The following BRCA2 variants were observed in gnomAD, a reference collection of about 807,000 sequenced individuals.
BRCA2 encodes the protein breast cancer type 2 susceptibility protein.
Under a neutral mutation model 276.7 loss-of-function variants are expected in BRCA2, and 203 were observed. That is an observed-to-expected ratio of 0.73 (90% CI 0.65 to 0.82). BRCA2 has a LOEUF of 0.82. Among genes scored for constraint, BRCA2 ranks in the 40% least tolerant of loss-of-function variants. BRCA2 has a pLI of 0.00. For synonymous variants in BRCA2, 1,289 were observed against 1,338.4 expected, an observed-to-expected ratio of 0.96 and a Z score of 0.81; for missense variants, 3,920 against 3,915.0, an observed-to-expected ratio of 1.00 and a Z score of -0.03.
chr13:32,323,608 A>G (rs1198151233), intron 3 of BRCA2, among the ~76,000 whole-genome samples: 1 of 152,240 alleles, frequency 6.6e-6, no homozygotes, highest in Non-Finnish European at 1.5e-5. Flanking sequence ...TGTCTAGTCC[A>G]TGTTAACTTG....
At position 32,362,431 on chromosome 13, in the gene BRCA2, A is replaced by T. The variant is rs1161285500; in HGVS notation, c.7806-92A>T. On this transcript the variant is annotated intron_variant, in intron 16 of 26. Transcript: ENST00000380152. The stretch of plus-strand genomic sequence containing the variant: ...CATAAAAACTTAATGATCTTGAACA[A>T]TGTAGTTTTTGTACAGAGAATAGTT... 3.2e-6 allele frequency: 4 copies of T among 1,235,504 alleles called. No individual in the cohort carries two copies. In the Admixed American group the frequency reaches 7.4e-5, roughly 23 times the overall value. 76.5% of individuals were successfully genotyped at this position (1,235,504 alleles called of 1,614,324 possible). A position where few individuals can be genotyped will look rare whatever the true frequency, so the allele number is the denominator to read the frequency against.
At position 32,338,929 on chromosome 13, in the gene BRCA2, A is replaced by T. The variant is rs397507336; in HGVS notation, c.4574A>T (p.His1525Leu). The T allele has an allele frequency of 1.2e-6, 2 of 1,613,952 alleles. No individual in the cohort carries two copies. The highest frequency in any genetic ancestry group is 2.7e-5 in the African/African-American group (2 of 75,038). Residue 1525 changes from histidine (H) to leucine (L), a missense_variant, in exon 11 of 27, where the codon CAT becomes CTT. By Grantham distance (99) the His-to-Leu change is moderately conservative. This residue lies in a region of BRCA2 where 3,263 missense variants were observed against 3,156.9 expected (regional missense o/e 1.03). Transcript: ENST00000380152. ...AAAGAACCTACTCTATTGGGTTTTCATACAGCTAGCGGGAAAAAAGTTAAA... is the reference window on the plus strand; with the variant it reads ...AAAGAACCTACTCTATTGGGTTTTCTTACAGCTAGCGGGAAAAAAGTTAAA... The part of the protein sequence containing the change: ...KIKEPTLLGF[H>L]TASGKKVKIA...
chr13:32,374,391 A>G (rs1000274150), intron 20 of BRCA2, among the ~76,000 whole-genome samples: 3 of 152,334 alleles, frequency 2.0e-5, no homozygotes, highest in Admixed American at 1.3e-4. Context: ...CCAAACTTGC[A>G]TGCTCTGCTT....
In BRCA2 at chr13:32,351,346, T is replaced by C. The variant is rs547564734; in HGVS notation, c.7008-3515T>C. Among the ~76,000 whole-genome samples, 187 of 152,068 alleles carry C rather than the reference T, an allele frequency of 1.2e-3. 3 individuals are homozygous for C. The highest frequency in any genetic ancestry group is 4.4e-3 in the African/African-American group (184 of 41,450). On this transcript the variant is annotated intron_variant, in intron 13 of 26. Coordinates refer to ENST00000380152, the MANE Select transcript of BRCA2 (RefSeq NM_000059.4). ...AACACTCACTGGGAAGGTCTGCGGC[T>C]TCACTCCTGAAGTCAGCAAGACCAC...
Position 32,316,490 on chromosome 13 carries a change from A to AT in BRCA2, c.36dup (p.Glu13Ter), listed in dbSNP as rs80359393. On this transcript the variant is annotated frameshift_variant, in exon 2 of 27. Coordinates refer to ENST00000380152, the MANE Select transcript of BRCA2 (RefSeq NM_000059.4). LOFTEE classifies it high-confidence loss of function. ...CTATTGGATCCAAAGAGAGGCCAAC[A>AT]TTTTTTGAAATTTTTAAGACACGCT... 6 of 1,614,026 alleles carry AT rather than the reference A, an allele frequency of 3.7e-6. No individual in the cohort carries two copies. Among genetic ancestry groups the AT allele is most frequent in the East Asian group, 2.2e-5 (1 of 44,892 alleles).
At chr13:32,355,563 A>G (rs2072687263) in intron 14 of BRCA2, among the ~76,000 whole-genome samples, 1 of 152,106 alleles carries the variant, frequency 6.6e-6, no homozygotes, top group African/African-American at 2.4e-5. Context: ...TTTCTTTTTA[A>G]AATGTGATAA....
At position 32,394,842 on chromosome 13, in the gene BRCA2, C is replaced by T. The variant is rs1235953183; in HGVS notation, c.9410C>T (p.Thr3137Ile). ...WRPESKSGLLTLFAGDFSVFS... is the reference protein window; with the variant it reads ...WRPESKSGLLILFAGDFSVFS... ...CCAGAATCCAAATCAGGCCTTCTTA[C>T]TTTATTTGCTGGAGATTTTTCTGTG... The change falls in exon 25 of 27, where the codon ACT (threonine) becomes ATT (isoleucine). Residue 3137 changes from threonine to isoleucine, a missense_variant. Transcript: ENST00000380152. 1 of 1,614,066 alleles carries T rather than the reference C, an allele frequency of 6.2e-7. No homozygotes were observed. Among genetic ancestry groups the T allele is most frequent in the Non-Finnish European group, 8.5e-7 (1 of 1,179,976 alleles).
chr13:32,374,311 G>A lies in BRCA2; in HGVS notation c.8633-2359G>A, dbSNP rs146109458. 1.2e-3 allele frequency among the ~76,000 whole-genome samples: 185 copies of A among 152,326 alleles called. 2 individuals carry two copies. Among genetic ancestry groups the A allele is most frequent in the African/African-American group, 4.2e-3 (173 of 41,582 alleles). On this transcript the variant is annotated intron_variant, in intron 20 of 26. Transcript: ENST00000380152. ...TTCCTTGTTACTTATGCAAACTTCT[G>A]CAGCTGGCTTGAATTCTTTCCCGGG...
At position 32,379,871 on chromosome 13, in the gene BRCA2, A is replaced by G. The variant is rs2137623356; in HGVS notation, c.9075A>G (p.Ile3025Met). The G allele has an allele frequency of 6.2e-7, 1 of 1,613,626 alleles. No homozygotes were observed. The highest frequency in any genetic ancestry group is 8.5e-7 in the Non-Finnish European group (1 of 1,179,612). Residue 3025 changes from isoleucine (I) to methionine (M), a missense_variant, in exon 23 of 27, where the codon ATA becomes ATG. By Grantham distance (10) the Ile-to-Met change is conservative. Transcript: ENST00000380152. Reference sequence around the variant, plus strand: ...AAAGTAAATCTGAAAGAGCTAACATACAGTTAGCAGCGACAAAAAAAACTC... The same window carrying G: ...AAAGTAAATCTGAAAGAGCTAACATGCAGTTAGCAGCGACAAAAAAAACTC... ...KSKSKSERAN[I>M]QLAATKKTQY...
intron 24 of BRCA2, among the ~76,000 whole-genome samples, chr13:32,387,990 T>G (rs1045349147): frequency 6.6e-5 from 10 of 152,208 alleles, no homozygotes; most frequent in Admixed American, 2.6e-4. Context: ...TTGATGGTAG[T>G]GGTCCCCTGG....
At chr13:32,346,599 A>G (rs534642311) in intron 12 of BRCA2, among the ~76,000 whole-genome samples, 1 of 152,242 alleles carries the variant, frequency 6.6e-6, no homozygotes, top group African/African-American at 2.4e-5. Flanking sequence ...TCAACTGACT[A>G]AATTTATGCT....
chr13:32,385,572 C>A, intron 24 of BRCA2: 1 of 266,908 alleles, frequency 3.7e-6, no homozygotes, highest in South Asian at 5.9e-5. Flanking sequence ...CACAAAAGAT[C>A]CAAATGAAGG....
Position 32,337,252 on chromosome 13 carries a change from C to T in BRCA2, c.2897C>T (p.Thr966Ile), listed in dbSNP as rs2137491028. ...AGTGTAAAGCAGCATATAAAAATGA[C>T]TCTAGGTCAAGATTTAAAATCGGAC... ...KNSVKQHIKM[T>I]LGQDLKSDIS... is the part of the protein sequence containing the mutation. Residue 966 changes from threonine (T) to isoleucine (I), a missense_variant, in exon 11 of 27, where the codon ACT becomes ATT. Around this residue, in one of 2 missense-constraint regions of BRCA2, gnomAD observed 3,263 missense variants for 3,156.9 expected, o/e 1.03. Coordinates refer to ENST00000380152, the MANE Select transcript of BRCA2 (RefSeq NM_000059.4). 1 of 1,611,944 alleles carries T rather than the reference C, an allele frequency of 6.2e-7. No individual in the cohort carries two copies. Among genetic ancestry groups the T allele is most frequent in the South Asian group, 1.1e-5 (1 of 90,546 alleles).
chr13:32,344,183 A>G (rs1029663269), intron 11 of BRCA2, among the ~76,000 whole-genome samples: 13 of 145,760 alleles, frequency 8.9e-5, no homozygotes, highest in Non-Finnish European at 1.4e-4. Context: ...AAAAAAAAAA[A>G]GAGAGAAAAA....
chr13:32,359,643 A>T (rs1187499993), intron 16 of BRCA2, among the ~76,000 whole-genome samples: 1 of 152,232 alleles, frequency 6.6e-6, no homozygotes, highest in African/African-American at 2.4e-5. Flanking sequence ...TAACTTTTAA[A>T]AACAGAAATA....
intron 21 of BRCA2, 134 bp downstream of exon 21, chr13:32,376,925 G>C: frequency 7.6e-7 from 1 of 1,318,404 alleles, no homozygotes. Context: ...TACATTTCTG[G>C]GATTTTCAGT....
intron 3 of BRCA2, among the ~76,000 whole-genome samples, chr13:32,323,929 C>T (rs541302162): frequency 5.9e-5 from 9 of 152,246 alleles, no homozygotes; most frequent in African/African-American, 2.2e-4. Context: ...GTTAAAGCCA[C>T]CTATAGCTTT....
rs80358972 is a variant in BRCA2, at chr13:32,356,472, C to A, written c.7480C>A (p.Arg2494=). The change falls in exon 15 of 27, where the codon CGA becomes AGA. Residue 2494 remains arginine, a synonymous_variant. Transcript: ENST00000380152. ...LQNARDIQDM[R]IKKKQRQRVF... is the part of the protein sequence containing the mutation. ...GAATGCCAGAGATATACAGGATATG[C>A]GAATTAAGAAGAAACAAAGGCAACG... 2 of 1,613,996 alleles carry A rather than the reference C, an allele frequency of 1.2e-6. No homozygotes were observed. The highest frequency in any genetic ancestry group is 1.1e-5 in the South Asian group (1 of 91,084).
chr13:32,386,401 G>A (rs1178130167), intron 24 of BRCA2, among the ~76,000 whole-genome samples: 3 of 152,054 alleles, frequency 2.0e-5, no homozygotes, highest in African/African-American at 4.8e-5. Context: ...GAACGAGACT[G>A]CATCTCAAAA....
Sources: allele counts gnomAD v4.1 joint callset (sites outside exome capture counted in the v4.1 genomes callset), GRCh38; gene constraint gnomAD v4.1.1; regional missense constraint gnomAD v4.1.1; transcripts MANE v1.5; gene names NCBI Gene and HGNC (gene_info 2026-07-23, HGNC 2026-07-21).